NAV2: variants seen among roughly 807,000 people sequenced by gnomAD.
NAV2 encodes neuron navigator 2, also known as helicase, APC down-regulated 1.
NAV2 carries 54 observed loss-of-function variants against 223.2 expected under a neutral mutation model. The observed-to-expected ratio is 0.24, with a 90% CI of 0.19 to 0.30. NAV2 has a LOEUF of 0.30. NAV2 is among the 10% of genes least tolerant of loss of function. NAV2 has a pLI of 1.00. For synonymous variants in NAV2, 1,279 were observed against 1,239.3 expected (o/e 1.03, Z -0.67); for missense variants, 2,806 against 3,147.5 (o/e 0.89, Z 2.60).
intron 1 of NAV2, among the ~76,000 whole-genome samples, chr11:19,455,050 C>A (rs1590233715): frequency 6.6e-6 from 1 of 152,128 alleles, no homozygotes; most frequent in Admixed American, 6.5e-5. Context: ...AGGCAGCAAG[C>A]CTTCCAGGTA....
At chr11:20,050,117 C>G (rs1031179121) in intron 16 of NAV2, among the ~76,000 whole-genome samples, 2 of 152,162 alleles carry the variant, frequency 1.3e-5, no homozygotes, top group Admixed American at 6.5e-5. Flanking sequence ...CTCTTCATTC[C>G]CATTTTGGGA....
intron 1 of NAV2, among the ~76,000 whole-genome samples, chr11:19,586,376 A>C (rs1193208649): frequency 2.6e-5 from 4 of 151,562 alleles, no homozygotes; most frequent in African/African-American, 9.7e-5. Flanking sequence ...TCTTTTCTCA[A>C]CTCATCAAAG....
At chr11:20,027,492 C>T (rs2055220960) in intron 11 of NAV2, 1 of 980,436 alleles carries the variant, frequency 1.0e-6, no homozygotes, top group African/African-American at 1.7e-5. Flanking sequence ...CAGCTGGTCA[C>T]AGCTGCGCAG....
intron 14 of NAV2, among the ~76,000 whole-genome samples, chr11:20,046,139 G>T (rs1387535922): frequency 6.6e-6 from 1 of 152,076 alleles, no homozygotes; most frequent in African/African-American, 2.4e-5. Context: ...TTCGAGACCA[G>T]CCTGGCCAAT....
chr11:19,536,812 G>C (rs2044202893), intron 1 of NAV2, among the ~76,000 whole-genome samples: 2 of 152,126 alleles, frequency 1.3e-5, no homozygotes, highest in Admixed American at 6.5e-5. Context: ...AATGATAATG[G>C]GGGCTGGGAG....
chr11:19,616,093 G>T (rs1397324250), intron 1 of NAV2, among the ~76,000 whole-genome samples: 1 of 152,118 alleles, frequency 6.6e-6, no homozygotes, highest in Non-Finnish European at 1.5e-5. Context: ...GCAGCACACA[G>T]TGGAAACATT....
At chr11:19,382,105 G>C (rs1848859180) in intron 1 of NAV2, among the ~76,000 whole-genome samples, 1 of 152,214 alleles carries the variant, frequency 6.6e-6, no homozygotes. Context: ...TGGAATCTCT[G>C]TCTGCAGGAT....
intron 1 of NAV2, among the ~76,000 whole-genome samples, chr11:19,427,182 C>T (rs1313051751): frequency 6.6e-6 from 1 of 152,186 alleles, no homozygotes; most frequent in Non-Finnish European, 1.5e-5. Flanking sequence ...ACACATCTGT[C>T]AAAGAAATCA....
intron 1 of NAV2, among the ~76,000 whole-genome samples, chr11:19,765,384 T>TCCTTCCTTCCTC: frequency 6.7e-6 from 1 of 149,174 alleles, no homozygotes; most frequent in Non-Finnish European, 1.5e-5. Context: ...CTTCTTTCCT[T>TCCTTCCTTCCTC]CCTTCCTTCC....
At chr11:19,891,046 C>T (rs2041459754) in intron 5 of NAV2, among the ~76,000 whole-genome samples, 1 of 152,196 alleles carries the variant, frequency 6.6e-6, no homozygotes. Flanking sequence ...ATAATTTTTA[C>T]AGTCCCCTCA....
In NAV2 at chr11:19,853,778, G is replaced by A. The variant is rs150094440; in HGVS notation, c.438+10855G>A. ...ACTTTTTTTTTTTTTTCCACTGAACGTCTGGGGTGATAATTCTTTAGGACA... is the reference window on the plus strand; with the variant it reads ...ACTTTTTTTTTTTTTTCCACTGAACATCTGGGGTGATAATTCTTTAGGACA... On this transcript the variant is annotated intron_variant, in intron 3 of 37. Transcript: ENST00000349880. 8.5e-3 allele frequency among the ~76,000 whole-genome samples: 1,269 copies of A among 149,616 alleles called. 14 individuals are homozygous for A. Among genetic ancestry groups the A allele is most frequent in the African/African-American group, 0.029 (1,196 of 40,600 alleles).
chr11:19,996,648 C>G (rs2051918351), intron 11 of NAV2, among the ~76,000 whole-genome samples: 1 of 152,228 alleles, frequency 6.6e-6, no homozygotes, highest in Non-Finnish European at 1.5e-5. Context: ...CCATTGCCTC[C>G]TCTAGGAGCA....
intron 6 of NAV2, among the ~76,000 whole-genome samples, chr11:19,919,131 A>G (rs893919238): frequency 1.3e-5 from 2 of 152,106 alleles, no homozygotes; most frequent in African/African-American, 4.8e-5. Flanking sequence ...TGGCCAAATA[A>G]CTTTGAGCCC....
chr11:20,047,322 T>C (rs566328743), intron 14 of NAV2, among the ~76,000 whole-genome samples: 18 of 152,342 alleles, frequency 1.2e-4, no homozygotes, highest in African/African-American at 4.1e-4. Flanking sequence ...GTAAATTACA[T>C]TTCTTCCTAA....
At chr11:19,683,186 G>A (rs1267162381) in intron 1 of NAV2, among the ~76,000 whole-genome samples, 1 of 152,214 alleles carries the variant, frequency 6.6e-6, no homozygotes, top group Non-Finnish European at 1.5e-5. Context: ...GTAGCCGGGA[G>A]TTTGGGAAGT....
intron 1 of NAV2, among the ~76,000 whole-genome samples, chr11:19,470,457 A>G (rs2041927925): frequency 6.6e-6 from 1 of 152,222 alleles, no homozygotes; most frequent in African/African-American, 2.4e-5. Context: ...TCTGATATCA[A>G]GAAGACGGCA....
chr11:19,713,426 A>G lies in NAV2; in HGVS notation c.-270A>G, dbSNP rs1289716537. 2 of 1,256,064 alleles carry G rather than the reference A, an allele frequency of 1.6e-6. No homozygotes were observed. The highest frequency in any genetic ancestry group is 3.1e-5 in the African/African-American group (2 of 64,428). 77.8% of individuals were successfully genotyped at this position (1,256,064 alleles called of 1,614,324 possible). ...GCCCAGAGCTCTTGAAAGGCCACCCAGGAGAGGTGTGAGACCCGGCGGCAG... is the reference window on the plus strand; with the variant it reads ...GCCCAGAGCTCTTGAAAGGCCACCCGGGAGAGGTGTGAGACCCGGCGGCAG... On this transcript the variant is annotated 5_prime_UTR_variant, in exon 1 of 38. Coordinates refer to ENST00000349880, the MANE Select transcript of NAV2 (RefSeq NM_145117.5). The surrounding 1 kb of genome is among the most constrained non-coding windows in gnomAD (Gnocchi z 7.2).
chr11:20,050,188 G>C (rs971831838), intron 16 of NAV2, among the ~76,000 whole-genome samples: 1 of 152,136 alleles, frequency 6.6e-6, no homozygotes, highest in African/African-American at 2.4e-5. Flanking sequence ...TGCATCTCTT[G>C]TGGCCTCCTG....
chr11:19,878,271 G>T (rs2062980653), intron 4 of NAV2, among the ~76,000 whole-genome samples: 1 of 152,164 alleles, frequency 6.6e-6, no homozygotes, highest in Non-Finnish European at 1.5e-5. Flanking sequence ...CATTTTTAAG[G>T]TATGAAGCTG....
Sources: allele counts gnomAD v4.1 joint callset (sites outside exome capture counted in the v4.1 genomes callset), GRCh38; gene constraint gnomAD v4.1.1; non-coding constraint Gnocchi (gnomAD v3.1); transcripts MANE v1.5; gene names NCBI Gene and HGNC (gene_info 2026-07-23, HGNC 2026-07-21).